TOX3: variants seen among roughly 807,000 people sequenced by gnomAD.
The protein encoded by TOX3 is TOX high mobility group box family member 3.
In TOX3, 22 loss-of-function variants were observed where a neutral mutation model predicts 64.3. That is an observed-to-expected ratio of 0.34 (90% CI 0.24 to 0.49). TOX3 has a LOEUF of 0.49. Among genes scored for constraint, TOX3 ranks in the 20% least tolerant of loss-of-function variants. TOX3 has a pLI of 0.99. For synonymous variants in TOX3, 291 were observed against 273.6 expected, an observed-to-expected ratio of 1.06 and a Z score of -0.63; for missense variants, 661 against 714.4, an observed-to-expected ratio of 0.93 and a Z score of 0.85.
intron 2 of TOX3, 54 bp downstream of exon 2, chr16:52,468,455 A>C (rs1463506235): frequency 2.0e-6 from 3 of 1,511,926 alleles, no homozygotes; most frequent in Non-Finnish European, 2.7e-6. Context: ...AAGCCTATTA[A>C]ATTATCTCAA....
At chr16:52,519,076 G>T (rs983811479) in intron 1 of TOX3, among the ~76,000 whole-genome samples, 18 of 152,180 alleles carry the variant, frequency 1.2e-4, no homozygotes, top group African/African-American at 4.3e-4. Context: ...GACAACTATT[G>T]CCAGGAAGAT....
At chr16:52,461,280 T>G (rs1960678863) in intron 3 of TOX3, among the ~76,000 whole-genome samples, 1 of 152,164 alleles carries the variant, frequency 6.6e-6, no homozygotes, top group Non-Finnish European at 1.5e-5. Context: ...ATACACGTAT[T>G]CACGACAAGC....
At chr16:52,533,112 T>C (rs146628148) in intron 1 of TOX3, among the ~76,000 whole-genome samples, 33 of 152,310 alleles carry the variant, frequency 2.2e-4, no homozygotes, top group African/African-American at 6.7e-4. Context: ...GATTACTTGT[T>C]TGAAGAATCA....
intron 1 of TOX3, among the ~76,000 whole-genome samples, chr16:52,480,069 C>A (rs925510904): frequency 2.0e-5 from 3 of 152,194 alleles, no homozygotes; most frequent in Non-Finnish European, 4.4e-5. Flanking sequence ...CTGCTACAGT[C>A]CTTGGGGGCA....
chr16:52,497,706 C>T (rs187654201), intron 1 of TOX3, among the ~76,000 whole-genome samples: 1 of 152,130 alleles, frequency 6.6e-6, no homozygotes, highest in East Asian at 1.9e-4. Flanking sequence ...AAATAATAGC[C>T]CAATGTTCAG....
intron 1 of TOX3, among the ~76,000 whole-genome samples, chr16:52,512,242 G>T (rs1596845016): frequency 6.6e-6 from 1 of 152,082 alleles, no homozygotes; most frequent in African/African-American, 2.4e-5. Flanking sequence ...CTGAATCAAA[G>T]GGATTTTGTT....
At chr16:52,502,619 T>A (rs1451488472) in intron 1 of TOX3, among the ~76,000 whole-genome samples, 1 of 152,144 alleles carries the variant, frequency 6.6e-6, no homozygotes, top group Non-Finnish European at 1.5e-5. Context: ...AAATGAAGAA[T>A]GCCAGAAAGT....
At chr16:52,458,050 T>G (rs995240767) in intron 3 of TOX3, among the ~76,000 whole-genome samples, 8 of 152,314 alleles carry the variant, frequency 5.3e-5, no homozygotes, top group Admixed American at 5.2e-4. Context: ...CCACACTTAT[T>G]TTATTCAGTC....
At chr16:52,465,470 GTTTTTT>G (rs34739813) in intron 2 of TOX3, among the ~76,000 whole-genome samples, 2 of 103,992 alleles carry the variant, frequency 1.9e-5, no homozygotes, top group African/African-American at 7.7e-5. Flanking sequence ...TTTCTTTTTG[GTTTTTT>G]TTTTTTTTTT....
chr16:52,483,691 C>T (rs546766838), intron 1 of TOX3, among the ~76,000 whole-genome samples: 83 of 151,478 alleles, frequency 5.5e-4, no homozygotes, highest in Non-Finnish European at 9.0e-4. Flanking sequence ...GCCTCAGCCT[C>T]CCGAGTAGCT....
intron 2 of TOX3, among the ~76,000 whole-genome samples, chr16:52,465,562 T>A (rs566731388): frequency 3.3e-5 from 5 of 150,804 alleles, no homozygotes; most frequent in Non-Finnish European, 7.4e-5. Flanking sequence ...TATAGTTCAT[T>A]TACTATTAAT....
intron 1 of TOX3, among the ~76,000 whole-genome samples, chr16:52,471,153 T>A (rs1567323028): frequency 6.6e-6 from 1 of 152,206 alleles, no homozygotes; most frequent in Non-Finnish European, 1.5e-5. Flanking sequence ...GGTATACTTA[T>A]AATAAAAGAA....
chr16:52,456,679 G>A (rs1257219629), intron 3 of TOX3, among the ~76,000 whole-genome samples: 1 of 152,158 alleles, frequency 6.6e-6, no homozygotes, highest in Non-Finnish European at 1.5e-5. Flanking sequence ...AATCATTTGA[G>A]TGAACGGTTA....
intron 1 of TOX3, among the ~76,000 whole-genome samples, chr16:52,479,520 C>T (rs1031069582): frequency 3.9e-5 from 6 of 152,158 alleles, no homozygotes; most frequent in Admixed American, 6.5e-5. Context: ...GTCTATTCTG[C>T]GTGTCTTCTC....
chr16:52,497,323 A>C (rs1340310981), intron 1 of TOX3, among the ~76,000 whole-genome samples: 1 of 152,216 alleles, frequency 6.6e-6, no homozygotes, highest in Non-Finnish European at 1.5e-5. Context: ...CCAAGGAGTG[A>C]CTCATATATC....
intron 1 of TOX3, among the ~76,000 whole-genome samples, chr16:52,500,795 T>C (rs1217240925): frequency 2.6e-5 from 4 of 152,178 alleles, no homozygotes; most frequent in Admixed American, 6.5e-5. Flanking sequence ...TTATAAGATA[T>C]AATCTAACTA....
At chr16:52,518,729 G>T (rs186907693) in intron 1 of TOX3, among the ~76,000 whole-genome samples, 1 of 152,258 alleles carries the variant, frequency 6.6e-6, no homozygotes, top group Admixed American at 6.5e-5. Context: ...TAGTAATTTG[G>T]AATTGTTGAG....
chr16:52,450,562 C>A lies in TOX3; in HGVS notation c.409-16G>T, dbSNP rs373078114. The A allele has an allele frequency of 3.1e-6, 5 of 1,613,140 alleles. No individual in the cohort carries two copies. The highest frequency in any genetic ancestry group is 4.2e-6 in the Non-Finnish European group (5 of 1,179,302). On this transcript the variant is annotated splice_polypyrimidine_tract_variant and intron_variant, in intron 3 of 6. Transcript: ENST00000219746. ...GGCTCTGATCCTAGAAAGGCAGCAA[C>A]AAAGGGGGAAAATATTTCAGCTTTT...
intron 1 of TOX3, chr16:52,519,549 G>GGC: frequency 1.3e-6 from 2 of 1,517,410 alleles, no homozygotes; most frequent in Non-Finnish European, 8.9e-7. Context: ...TCCTCTGCTG[G>GGC]ATGGGGTTCA....
Sources: gnomAD v4.1 joint callset for allele counts (sites outside exome capture counted in the v4.1 genomes callset) on GRCh38, gnomAD v4.1.1 for gene constraint, MANE v1.5 for transcripts, NCBI Gene and HGNC (gene_info 2026-07-23, HGNC 2026-07-21) for gene names.